SPICE1: variants seen among roughly 807,000 people sequenced by gnomAD.
SPICE1 encodes the protein spindle and centriole-associated protein 1.
Under a neutral mutation model 102.7 loss-of-function variants are expected in SPICE1, and 75 were observed. The ratio of observed to expected loss-of-function variants is 0.73; its 90% CI spans 0.61 to 0.88. The LOEUF (loss-of-function observed/expected upper bound fraction) is 0.88, where lower values mean the gene tolerates loss of function less well. Among genes scored for constraint, SPICE1 ranks in the 40% least tolerant of loss-of-function variants. SPICE1 has a pLI of 0.00. For synonymous variants in SPICE1, 308 were observed against 350.3 expected, an observed-to-expected ratio of 0.88 and a Z score of 1.35; for missense variants, 979 against 1,020.1, an observed-to-expected ratio of 0.96 and a Z score of 0.55.
At position 113,453,815 on chromosome 3, in the gene SPICE1, C is replaced by A. The variant is rs533178014; in HGVS notation, c.1793G>T (p.Arg598Leu). The A allele has an allele frequency of 5.0e-6, 8 of 1,614,084 alleles. No individual in the cohort carries two copies. The East Asian group carries it at 8.9e-5, about 18-fold the overall frequency. ...GACTCTCCATCTCTGAGTGAAGAGA[C>A]GATTCTCTTCACTTGAATTCTGAAT... The part of the protein sequence containing the change: ...TDIQNSSEEN[R>L]LFTQRWRVSH... Residue 598 changes from arginine to leucine, a missense_variant, in exon 14 of 18, where the codon CGT becomes CTT. Arg to Leu is a moderately radical substitution (Grantham distance 102). Coordinates refer to ENST00000295872, the MANE Select transcript of SPICE1 (RefSeq NM_144718.4).
At chr3:113,459,040 A>G (rs1935860495) in intron 12 of SPICE1, among the ~76,000 whole-genome samples, 1 of 152,216 alleles carries the variant, frequency 6.6e-6, no homozygotes, top group South Asian at 2.1e-4. Context: ...AGAAAGAAGT[A>G]GACATAGGAG....
At chr3:113,468,961 A>C in intron 8 of SPICE1, 62 bp from the exon 9 acceptor site, 1 of 1,574,964 alleles carries the variant, frequency 6.3e-7, no homozygotes, top group Non-Finnish European at 8.6e-7. Context: ...AAAGTATTTC[A>C]ATTGACAGAT....
Position 113,453,918 on chromosome 3 carries a change from G to A in SPICE1, c.1690C>T (p.Pro564Ser), listed in dbSNP as rs1011879811. Residue 564 changes from proline to serine, a missense_variant, in exon 14 of 18, where the codon CCA becomes TCA. Physicochemically the swap from Pro to Ser is moderately conservative, Grantham distance 74 (BLOSUM62 -1). Coordinates refer to ENST00000295872, the MANE Select transcript of SPICE1 (RefSeq NM_144718.4). ...ATTTCCACAGTTGGAGGAAGTCGTG[G>A]AGCAGGACGAGTTTGAACAGTCCTT... is the stretch of plus-strand genomic sequence containing the variant. ...LRRTVQTRPA[P>S]RLPPTVEIIE... 1 of 1,613,718 alleles carries A rather than the reference G, an allele frequency of 6.2e-7. No individual in the cohort carries two copies. The highest frequency in any genetic ancestry group is 1.3e-5 in the African/African-American group (1 of 74,880).
At chr3:113,505,592 C>CAA (rs1937092526) in intron 2 of SPICE1, among the ~76,000 whole-genome samples, 1 of 152,144 alleles carries the variant, frequency 6.6e-6, no homozygotes, top group Non-Finnish European at 1.5e-5. Context: ...TGGTCCAAAC[C>CAA]AAAGTATCAG....
chr3:113,504,495 G>C (rs1409297428), intron 2 of SPICE1, among the ~76,000 whole-genome samples: 1 of 149,712 alleles, frequency 6.7e-6, no homozygotes, highest in Non-Finnish European at 1.5e-5. Flanking sequence ...GGAGGTTCAG[G>C]AGGCCGAGGC....
chr3:113,458,792 G>T (rs971319508), intron 12 of SPICE1, among the ~76,000 whole-genome samples: 3 of 150,964 alleles, frequency 2.0e-5, no homozygotes, highest in African/African-American at 7.3e-5. Context: ...GCCGCCCATC[G>T]TCTGGGATGT....
intron 7 of SPICE1, among the ~76,000 whole-genome samples, chr3:113,483,160 A>C (rs910779440): frequency 5.9e-5 from 9 of 151,952 alleles, no homozygotes; most frequent in Non-Finnish European, 1.3e-4. Flanking sequence ...TTATTCTCTT[A>C]GTAGCAATTG....
intron 7 of SPICE1, among the ~76,000 whole-genome samples, chr3:113,473,308 G>C (rs1345572107): frequency 1.3e-5 from 2 of 151,956 alleles, no homozygotes; most frequent in African/African-American, 2.4e-5. Context: ...ATCTACGTCT[G>C]ATTGGTGTAC....
chr3:113,464,235 GT>G (rs1935999829), intron 11 of SPICE1, among the ~76,000 whole-genome samples: 1 of 150,722 alleles, frequency 6.6e-6, no homozygotes, highest in South Asian at 2.1e-4. Flanking sequence ...TCAAATTTGT[GT>G]GTGGTTTCAG....
chr3:113,449,114 T>TA (rs1437172403), intron 15 of SPICE1: 7 of 152,244 alleles, frequency 4.6e-5, no homozygotes, highest in African/African-American at 1.7e-4. Context: ...AAGCATATTT[T>TA]AACCATACAC....
intron 11 of SPICE1, among the ~76,000 whole-genome samples, chr3:113,461,421 C>T (rs973417070): frequency 2.6e-5 from 4 of 151,760 alleles, no homozygotes; most frequent in Admixed American, 2.6e-4. Flanking sequence ...TACTTTCTGG[C>T]ACAGAGCTGA....
In SPICE1 at chr3:113,454,115, G is replaced by A. The variant is rs751537118; in HGVS notation, c.1658-165C>T. Among the ~76,000 whole-genome samples the A allele has an allele frequency of 7.2e-5, 11 of 152,096 alleles. No individual in the cohort carries two copies. In the East Asian group the frequency reaches 7.7e-4, roughly 11 times the overall value. ...CAGCAGAGAACACACCAGCAATGCC[G>A]CCCCTCGTAATCAAGTACAGAGACT... On this transcript the variant is annotated intron_variant, in intron 13 of 17. Coordinates refer to ENST00000295872, the MANE Select transcript of SPICE1 (RefSeq NM_144718.4).
At chr3:113,491,220 A>G (rs556328394) in intron 6 of SPICE1, among the ~76,000 whole-genome samples, 24 of 152,350 alleles carry the variant, frequency 1.6e-4, no homozygotes, top group African/African-American at 5.5e-4. Flanking sequence ...TACATGATGA[A>G]TAAGTGAGTA....
intron 12 of SPICE1, among the ~76,000 whole-genome samples, chr3:113,458,246 T>C (rs1346044245): frequency 6.6e-6 from 1 of 150,998 alleles, no homozygotes; most frequent in Admixed American, 6.6e-5. Context: ...TCTTTGCACG[T>C]CTCCCTCTGA....
At chr3:113,472,661 T>C (rs1057468201) in intron 7 of SPICE1, among the ~76,000 whole-genome samples, 7 of 152,192 alleles carry the variant, frequency 4.6e-5, no homozygotes, top group Non-Finnish European at 7.4e-5. Flanking sequence ...CCGCTGCTGA[T>C]ACCCAGGCAA....
intron 7 of SPICE1, among the ~76,000 whole-genome samples, chr3:113,481,050 T>C (rs1009877097): frequency 6.6e-6 from 1 of 152,060 alleles, no homozygotes. Context: ...CACTGTCCTA[T>C]AACTAATAAA....
chr3:113,485,181 T>G (rs1299746226), intron 7 of SPICE1, among the ~76,000 whole-genome samples: 4 of 151,486 alleles, frequency 2.6e-5, no homozygotes, highest in East Asian at 3.9e-4. Context: ...TGTTTGTTTT[T>G]TTTTTTTTTT....
intron 1 of SPICE1, among the ~76,000 whole-genome samples, chr3:113,512,112 G>C (rs1365814392): frequency 6.6e-6 from 1 of 152,172 alleles, no homozygotes; most frequent in Non-Finnish European, 1.5e-5. Flanking sequence ...TTACAGCTTT[G>C]GAAGACCCTA....
chr3:113,497,027 C>T (rs1936905421), intron 4 of SPICE1, among the ~76,000 whole-genome samples: 1 of 152,156 alleles, frequency 6.6e-6, no homozygotes, highest in African/African-American at 2.4e-5. Context: ...AGCAGAACTC[C>T]TGCATTTTAG....
Sources: allele counts gnomAD v4.1 joint callset (sites outside exome capture counted in the v4.1 genomes callset), GRCh38; gene constraint gnomAD v4.1.1; transcripts MANE v1.5; gene names NCBI Gene and HGNC (gene_info 2026-07-23, HGNC 2026-07-21).